Variants in GAB1 observed in about 807,000 individuals in gnomAD.
GAB1 encodes GRB2-associated-binding protein 1.
GAB1 carries 19 observed loss-of-function variants against 66.5 expected under a neutral mutation model. That is an observed-to-expected ratio of 0.29 (90% CI 0.20 to 0.42). The LOEUF is 0.42. Ranked by LOEUF, GAB1 falls within the 10% of genes least tolerant of loss-of-function variation. The probability of loss-of-function intolerance (pLI) is 1.00; values close to 1 mark genes in which losing one functional copy is unlikely to be tolerated. For synonymous variants in GAB1, 294 were observed against 301.4 expected, an observed-to-expected ratio of 0.98 and a Z score of 0.25; for missense variants, 732 against 858.5, an observed-to-expected ratio of 0.85 and a Z score of 1.84.
intron 8 of GAB1, among the ~76,000 whole-genome samples, chr4:143,464,069 G>A (rs1474061087): frequency 1.3e-5 from 2 of 152,026 alleles, no homozygotes; most frequent in East Asian, 1.9e-4. Context: ...ACACACTCAT[G>A]GCTGATTTTA....
chr4:143,438,004 A>T lies in GAB1; in HGVS notation c.599A>T (p.His200Leu). 1 of 1,610,868 alleles carries T rather than the reference A, an allele frequency of 6.2e-7. No individual in the cohort carries two copies. The highest frequency in any genetic ancestry group is 8.5e-7 in the Non-Finnish European group (1 of 1,177,960). Residue 200 changes from histidine to leucine, a missense_variant, in exon 4 of 10, where the codon CAT becomes CTT. Around this residue, in one of 4 missense-constraint regions of GAB1, gnomAD observed 427 missense variants for 420.6 expected, o/e 1.02. Coordinates refer to ENST00000262994, the MANE Select transcript of GAB1 (RefSeq NM_002039.4). ...QSKKPEPTRT[H>L]ADSAKSTSSE... The stretch of plus-strand genomic sequence containing the variant: ...CATTAACAATTTTTATTTAGAACGC[A>T]TGCTGATTCTGCAAAATCCACCTCT...
chr4:143,452,877 G>A lies in GAB1; in HGVS notation c.1586-6508G>A, dbSNP rs950783272. ...CACATGAGTTCTCTATTTATTCTCA[G>A]AATTTAAGAGTCACCAAAATTGGTT... is the stretch of plus-strand genomic sequence containing the variant. On this transcript the variant is annotated intron_variant, in intron 6 of 9. Coordinates refer to ENST00000262994, the MANE Select transcript of GAB1 (RefSeq NM_002039.4). Among the ~76,000 whole-genome samples the A allele has an allele frequency of 2.3e-4, 35 of 152,256 alleles. No homozygotes were observed. In the East Asian group the frequency reaches 3.3e-3, roughly 14 times the overall value.
Position 143,337,276 on chromosome 4 carries a change from G to GGCACCACTCCGCGGGCCTCGGCGTCC in GAB1, c.72+17_72+42dup. ...GAAGCGTTATGTAAGTAGAGCTGCG[G>GGCACCACTCCGCGGGCCTCGGCGTCC]GCACCACTCCGCGGGCCTCGGCGTC... On this transcript the variant is annotated intron_variant, in intron 1 of 9. Coordinates refer to ENST00000262994, the MANE Select transcript of GAB1 (RefSeq NM_002039.4). 6.4e-7 allele frequency: 1 copy of GGCACCACTCCGCGGGCCTCGGCGTCC among 1,566,862 alleles called. No homozygotes were observed. The highest frequency in any genetic ancestry group is 2.3e-5 in the East Asian group (1 of 43,278).
At chr4:143,382,055 T>G (rs1416654644) in intron 1 of GAB1, 2 of 152,248 alleles carry the variant, frequency 1.3e-5, no homozygotes, top group African/African-American at 4.8e-5. Context: ...CTCAATCATT[T>G]TTATACTAAT....
chr4:143,453,017 C>G (rs1735004319), intron 6 of GAB1, among the ~76,000 whole-genome samples: 1 of 152,164 alleles, frequency 6.6e-6, no homozygotes, highest in African/African-American at 2.4e-5. Context: ...GGAGAAAAGG[C>G]TAAGACAGGC....
chr4:143,468,800 G>GTAA (rs1735933816), intron 9 of GAB1, among the ~76,000 whole-genome samples: 1 of 151,986 alleles, frequency 6.6e-6, no homozygotes, highest in African/African-American at 2.4e-5. Flanking sequence ...GCACATGCCT[G>GTAA]TAATCCCAGC....
At chr4:143,396,148 C>T (rs561346912) in intron 1 of GAB1, among the ~76,000 whole-genome samples, 2 of 152,248 alleles carry the variant, frequency 1.3e-5, no homozygotes, top group African/African-American at 4.8e-5. Flanking sequence ...GAGCATTCTC[C>T]GCCGAATGGC....
At chr4:143,398,516 G>A (rs1731576786) in intron 1 of GAB1, among the ~76,000 whole-genome samples, 2 of 152,176 alleles carry the variant, frequency 1.3e-5, no homozygotes, top group East Asian at 1.9e-4. Context: ...AAACAGAATA[G>A]TGGATCATTT....
At chr4:143,446,680 G>C (rs1175567114) in intron 6 of GAB1, among the ~76,000 whole-genome samples, 2 of 152,198 alleles carry the variant, frequency 1.3e-5, no homozygotes, top group African/African-American at 4.8e-5. Context: ...GTTCATTGTA[G>C]ATTCTGGATA....
intron 8 of GAB1, among the ~76,000 whole-genome samples, chr4:143,462,521 G>A (rs1462907186): frequency 1.3e-5 from 2 of 151,272 alleles, no homozygotes; most frequent in Non-Finnish European, 2.9e-5. Context: ...GGGAAAAGAT[G>A]AAAAAGAAGA....
chr4:143,434,693 C>T (rs1733853449), intron 3 of GAB1, among the ~76,000 whole-genome samples: 1 of 152,086 alleles, frequency 6.6e-6, no homozygotes, highest in Admixed American at 6.6e-5. Flanking sequence ...ATATGGAGTG[C>T]AGCACTTGAC....
Position 143,460,248 on chromosome 4 carries a change from A to G in GAB1, c.1680-116A>G, listed in dbSNP as rs3795246. On this transcript the variant is annotated intron_variant, in intron 7 of 9. Coordinates refer to ENST00000262994, the MANE Select transcript of GAB1 (RefSeq NM_002039.4). ...TTATAAATGTGTACAATGAATGATT[A>G]TAAACATAAGGGAATATTTCTGAAA... 337,484 of 942,500 alleles carry G rather than the reference A, an allele frequency of 0.36. 66,354 individuals are homozygous for G. The highest frequency in any genetic ancestry group is 0.66 in the African/African-American group (40,573 of 61,162). The allele number at this position is 942,500 out of a possible 1,614,324, so 58.4% of individuals were successfully genotyped here. A position where few individuals can be genotyped will look rare whatever the true frequency, so the allele number is the denominator to read the frequency against.
chr4:143,410,868 C>G (rs547090553), intron 1 of GAB1, among the ~76,000 whole-genome samples: 1 of 152,024 alleles, frequency 6.6e-6, no homozygotes, highest in Non-Finnish European at 1.5e-5. Context: ...CTCCTTGGCG[C>G]TAGGCAATGG....
chr4:143,372,163 T>TAA (rs1238311437), intron 1 of GAB1, among the ~76,000 whole-genome samples: 1 of 149,508 alleles, frequency 6.7e-6, no homozygotes, highest in South Asian at 2.1e-4. Context: ...CATCTCAGTT[T>TAA]AAAAAAAAAA....
intron 1 of GAB1, among the ~76,000 whole-genome samples, chr4:143,409,309 C>G (rs1049784622): frequency 6.6e-6 from 1 of 151,854 alleles, no homozygotes; most frequent in African/African-American, 2.4e-5. Context: ...AGAGATGAGA[C>G]AGGTAAGTAT....
chr4:143,371,990 T>C (rs1362368861), intron 1 of GAB1, among the ~76,000 whole-genome samples: 1 of 152,196 alleles, frequency 6.6e-6, no homozygotes, highest in Admixed American at 6.5e-5. Flanking sequence ...ATTCAGCATC[T>C]AGTTTAATGT....
In GAB1 at chr4:143,339,913, T is replaced by A. The variant is rs974353750; in HGVS notation, c.72+2653T>A. ...TTTTCTTTGCCTGGTGTAGCACTGG[T>A]GTTTTCTTTACCCACGAATAAAGTA... On this transcript the variant is annotated intron_variant, in intron 1 of 9. Transcript: ENST00000262994. Among the ~76,000 whole-genome samples the A allele has an allele frequency of 2.0e-5, 3 of 152,280 alleles. No individual in the cohort carries two copies. In the East Asian group the frequency reaches 5.8e-4, roughly 29 times the overall value.
intron 6 of GAB1, among the ~76,000 whole-genome samples, chr4:143,443,014 C>CTTT (rs755148605): frequency 4.1e-4 from 52 of 126,754 alleles, no homozygotes; most frequent in African/African-American, 1.1e-3. Context: ...TACTATTTTA[C>CTTT]TTTTTTTTTT....
chr4:143,424,191 T>C (rs1319144631), intron 2 of GAB1, among the ~76,000 whole-genome samples: 3 of 152,340 alleles, frequency 2.0e-5, no homozygotes, highest in South Asian at 2.1e-4. Context: ...CTGTTTCATA[T>C]AGGGAAGTAT....
Sources: allele counts gnomAD v4.1 joint callset (sites outside exome capture counted in the v4.1 genomes callset), GRCh38; gene constraint gnomAD v4.1.1; regional missense constraint gnomAD v4.1.1; transcripts MANE v1.5; gene names NCBI Gene and HGNC (gene_info 2026-07-23, HGNC 2026-07-21).